The following PTPRD variants were observed in gnomAD, a reference collection of about 807,000 sequenced individuals.
The protein encoded by PTPRD is receptor-type tyrosine-protein phosphatase delta.
A neutral mutation model predicts 214.5 loss-of-function variants in PTPRD; 34 were observed. The observed-to-expected ratio is 0.16, with a 90% CI of 0.12 to 0.21. The LOEUF is 0.21. Ranked by LOEUF, PTPRD falls within the 10% of genes least tolerant of loss-of-function variation. The probability of loss-of-function intolerance (pLI) is 1.00; values close to 1 mark genes in which losing one functional copy is unlikely to be tolerated. For synonymous variants in PTPRD, 1,128 were observed against 845.7 expected, an observed-to-expected ratio of 1.33 and a Z score of -5.79; for missense variants, 2,545 against 2,398.7, an observed-to-expected ratio of 1.06 and a Z score of -1.27.
chr9:9,783,119 G>C (rs1255796314), intron 5 of PTPRD, among the ~76,000 whole-genome samples: 4 of 152,022 alleles, frequency 2.6e-5, no homozygotes, highest in Non-Finnish European at 4.4e-5. Context: ...AAAGACTAAT[G>C]TTGAAACTTT....
chr9:9,474,943 T>A (rs1020018537), intron 8 of PTPRD, among the ~76,000 whole-genome samples: 1 of 152,112 alleles, frequency 6.6e-6, no homozygotes, highest in African/African-American at 2.4e-5. Flanking sequence ...TGGCCTAACT[T>A]CTCTAGCTGG....
intron 35 of PTPRD, among the ~76,000 whole-genome samples, chr9:8,413,910 A>G (rs2093704783): frequency 6.6e-6 from 1 of 152,140 alleles, no homozygotes; most frequent in Non-Finnish European, 1.5e-5. Context: ...GTTAAATATT[A>G]GAAAAAAAAT....
chr9:10,512,135 T>C (rs892384228), intron 2 of PTPRD, among the ~76,000 whole-genome samples: 8 of 149,450 alleles, frequency 5.4e-5, no homozygotes, highest in African/African-American at 1.5e-4. Context: ...GATCAGGCTA[T>C]AGATGGCATG....
At chr9:10,298,296 A>T (rs1431446552) in intron 3 of PTPRD, among the ~76,000 whole-genome samples, 1 of 152,124 alleles carries the variant, frequency 6.6e-6, no homozygotes, top group Non-Finnish European at 1.5e-5. Flanking sequence ...GGAATGCATT[A>T]CAGGTTCCAA....
intron 9 of PTPRD, among the ~76,000 whole-genome samples, chr9:9,276,887 C>T (rs113165793): frequency 0.029 from 4,330 of 151,432 alleles, 97 homozygotes; most frequent in Middle Eastern, 0.051. Flanking sequence ...CTTGATGTGT[C>T]GTGCTCTGTG....
chr9:9,142,684 C>T (rs1381480715), intron 10 of PTPRD, among the ~76,000 whole-genome samples: 1 of 152,196 alleles, frequency 6.6e-6, no homozygotes, highest in Non-Finnish European at 1.5e-5. Flanking sequence ...TGAAGCTATA[C>T]AGTAGCAGAG....
At chr9:8,840,048 T>C (rs1268999320) in intron 11 of PTPRD, among the ~76,000 whole-genome samples, 1 of 152,234 alleles carries the variant, frequency 6.6e-6, no homozygotes, top group Non-Finnish European at 1.5e-5. Context: ...TTTCTAAATA[T>C]TCTATAATGA....
At chr9:10,605,847 T>C (rs926420263) in intron 2 of PTPRD, among the ~76,000 whole-genome samples, 3 of 151,766 alleles carry the variant, frequency 2.0e-5, no homozygotes, top group Admixed American at 6.6e-5. Flanking sequence ...GGAGACTCAA[T>C]ACATATTTGG....
intron 8 of PTPRD, among the ~76,000 whole-genome samples, chr9:9,463,595 C>T (rs1478349350): frequency 6.6e-6 from 1 of 151,990 alleles, no homozygotes; most frequent in African/African-American, 2.4e-5. Flanking sequence ...AAATACAATC[C>T]AAAGAAAACA....
At chr9:10,075,247 A>T (rs2098114690) in intron 3 of PTPRD, among the ~76,000 whole-genome samples, 1 of 152,082 alleles carries the variant, frequency 6.6e-6, no homozygotes, top group Non-Finnish European at 1.5e-5. Flanking sequence ...GACCCCCCGA[A>T]GGTGCATAAT....
intron 7 of PTPRD, among the ~76,000 whole-genome samples, chr9:9,653,860 C>T (rs530593592): frequency 2.0e-4 from 30 of 152,156 alleles, no homozygotes; most frequent in African/African-American, 6.5e-4. Context: ...TATTTTCTTG[C>T]TCCCTTATGA....
At chr9:9,976,801 C>G (rs2095372258) in intron 4 of PTPRD, among the ~76,000 whole-genome samples, 2 of 149,004 alleles carry the variant, frequency 1.3e-5, no homozygotes, top group Admixed American at 1.3e-4. Flanking sequence ...AGCTATCTGT[C>G]TTCTTAGACA....
intron 10 of PTPRD, among the ~76,000 whole-genome samples, chr9:9,140,664 C>T (rs34269979): frequency 0.22 from 32,908 of 152,174 alleles, 4,093 homozygotes; most frequent in Non-Finnish European, 0.27. Flanking sequence ...CTGCAGGCTT[C>T]GCCTCCCGGG....
chr9:8,345,477 T>A (rs572271392), intron 39 of PTPRD, among the ~76,000 whole-genome samples: 1 of 152,040 alleles, frequency 6.6e-6, no homozygotes, highest in African/African-American at 2.4e-5. Context: ...ATTGGCAGCA[T>A]TTGACTATCC....
At chr9:10,499,824 C>T (rs990383006) in intron 2 of PTPRD, among the ~76,000 whole-genome samples, 1 of 151,702 alleles carries the variant, frequency 6.6e-6, no homozygotes, top group South Asian at 2.1e-4. Context: ...TGTCATGTGC[C>T]AAAGAGTGGA....
chr9:8,404,422 C>T, intron 36 of PTPRD, 115 bp downstream of exon 36: 3 of 1,382,542 alleles, frequency 2.2e-6, no homozygotes, highest in South Asian at 1.5e-5. Context: ...AGCCACCATG[C>T]ACAGCCATCT....
At chr9:10,502,357 T>C (rs1000934314) in intron 2 of PTPRD, among the ~76,000 whole-genome samples, 2 of 151,836 alleles carry the variant, frequency 1.3e-5, no homozygotes, top group Non-Finnish European at 1.5e-5. Flanking sequence ...GCAGTATACA[T>C]GAGTTATGAA....
At chr9:9,744,972 A>C (rs1288283499) in intron 6 of PTPRD, among the ~76,000 whole-genome samples, 1 of 152,098 alleles carries the variant, frequency 6.6e-6, no homozygotes, top group African/African-American at 2.4e-5. Context: ...CATTTTCTTG[A>C]ATCTCATTTC....
chr9:9,983,467 C>G (rs1215491817), intron 4 of PTPRD, among the ~76,000 whole-genome samples: 2 of 152,174 alleles, frequency 1.3e-5, no homozygotes, highest in African/African-American at 4.8e-5. Flanking sequence ...CAAAAGCTGG[C>G]AAGTATTTTG....
Sources: gnomAD v4.1 joint callset for allele counts (sites outside exome capture counted in the v4.1 genomes callset) on GRCh38, gnomAD v4.1.1 for gene constraint, MANE v1.5 for transcripts, NCBI Gene and HGNC (gene_info 2026-07-23, HGNC 2026-07-21) for gene names.